REEP5: variants seen among roughly 807,000 people sequenced by gnomAD.
REEP5 encodes the protein receptor expression-enhancing protein 5.
REEP5 carries 24 observed loss-of-function variants against 22.4 expected under a neutral mutation model. The observed-to-expected ratio is 1.07, with a 90% CI of 0.78 to 1.51. The LOEUF is 1.51. Ranked by LOEUF, REEP5 falls within the 40% of genes most tolerant of loss-of-function variation. The pLI, the probability that REEP5 is intolerant of heterozygous loss-of-function variation, is 0.00. For synonymous variants in REEP5, 103 were observed against 88.6 expected (o/e 1.16, Z -0.92); for missense variants, 252 against 233.0 (o/e 1.08, Z -0.53).
At chr5:112,892,756 G>A in intron 3 of REEP5, 1 of 1,613,894 alleles carries the variant, frequency 6.2e-7, no homozygotes, top group South Asian at 1.1e-5. Flanking sequence ...GGAGAAGATG[G>A]GCCACCACGA....
At chr5:112,904,830 A>G (rs1364148875) in intron 2 of REEP5, among the ~76,000 whole-genome samples, 2 of 152,224 alleles carry the variant, frequency 1.3e-5, no homozygotes, top group African/African-American at 4.8e-5. Flanking sequence ...TCTAGGAAAA[A>G]AAAATTCTTT....
At chr5:112,907,077 A>G (rs1255014715) in intron 2 of REEP5, among the ~76,000 whole-genome samples, 1 of 152,216 alleles carries the variant, frequency 6.6e-6, no homozygotes, top group Non-Finnish European at 1.5e-5. Flanking sequence ...ACACTGAAAT[A>G]AAACTGTTCA....
At chr5:112,907,206 A>C (rs1457603007) in intron 2 of REEP5, among the ~76,000 whole-genome samples, 1 of 152,104 alleles carries the variant, frequency 6.6e-6, no homozygotes, top group Non-Finnish European at 1.5e-5. Flanking sequence ...AACAATTCCT[A>C]CCACTCTCTC....
intron 2 of REEP5, among the ~76,000 whole-genome samples, chr5:112,905,477 G>A (rs1354833936): frequency 6.6e-6 from 1 of 151,128 alleles, no homozygotes; most frequent in African/African-American, 2.4e-5. Context: ...GGAGGCGGGG[G>A]TTGCAGTGAG....
rs1561663084 is a variant in REEP5, at chr5:112,922,122, CAGA to C, written c.66_68del (p.Leu23del). 32 of 1,605,936 alleles carry C rather than the reference CAGA, an allele frequency of 2.0e-5. No homozygotes were observed. The highest frequency in any genetic ancestry group is 2.7e-5 in the Non-Finnish European group (32 of 1,176,374). On this transcript the variant is annotated inframe_deletion, in exon 1 of 5. Coordinates refer to ENST00000379638, the MANE Select transcript of REEP5 (RefSeq NM_005669.5). Reference sequence around the variant, plus strand: ...CGCCGGTTTTGGCCTCGAGCTTGGCCAGAAGGTCAGTCATGCAGTTCTTCTCGT... The same window carrying C: ...CGCCGGTTTTGGCCTCGAGCTTGGCCAGGTCAGTCATGCAGTTCTTCTCGT...
chr5:112,900,264 T>C (rs1768812204), intron 3 of REEP5, among the ~76,000 whole-genome samples: 1 of 152,256 alleles, frequency 6.6e-6, no homozygotes, highest in Non-Finnish European at 1.5e-5. Context: ...TGTAAATCTA[T>C]CTTCCTAGTC....
At chr5:112,887,605 T>C (rs1394234989) in intron 3 of REEP5, among the ~76,000 whole-genome samples, 1 of 152,176 alleles carries the variant, frequency 6.6e-6, no homozygotes, top group Non-Finnish European at 1.5e-5. Flanking sequence ...TCTTGGTAAG[T>C]TTATCACATT....
rs958173411 is a variant in REEP5, at chr5:112,878,712, C to T, written c.*74G>A. On this transcript the variant is annotated 3_prime_UTR_variant, in exon 5 of 5. Transcript: ENST00000379638. ...AGGCAACATTATTAAAATAATTATA[C>T]CACAGTCCCTAATATAACATCAAGC... 1 of 1,568,774 alleles carries T rather than the reference C, an allele frequency of 6.4e-7. No individual in the cohort carries two copies. The highest frequency in any genetic ancestry group is 1.7e-4 in the Middle Eastern group (1 of 5,878).
chr5:112,887,098 A>G lies in REEP5; in HGVS notation c.437T>C (p.Leu146Pro), dbSNP rs922866559. Residue 146 changes from leucine to proline, a missense_variant, in exon 4 of 5, where the codon CTG becomes CCG. Transcript: ENST00000379638. ...ACTGTCCATCTGGGACTCGTGCTTC[A>G]GGAAGAAAGGACGGATGATGCGCTT... Reference protein sequence around the residue: ...LYKRIIRPFFLKHESQMDSVV... With the variant: ...LYKRIIRPFFPKHESQMDSVV... 2 of 1,613,730 alleles carry G rather than the reference A, an allele frequency of 1.2e-6. No homozygotes were observed. The highest frequency in any genetic ancestry group is 1.7e-4 in the Middle Eastern group (1 of 5,804).
chr5:112,891,204 C>G (rs762260684), intron 3 of REEP5, among the ~76,000 whole-genome samples: 1 of 152,108 alleles, frequency 6.6e-6, no homozygotes, highest in Non-Finnish European at 1.5e-5. Flanking sequence ...TCCCAAGTAG[C>G]TGGGATTACA....
At chr5:112,917,490 G>C (rs150237584) in intron 2 of REEP5, among the ~76,000 whole-genome samples, 1 of 152,296 alleles carries the variant, frequency 6.6e-6, no homozygotes, top group East Asian at 1.9e-4. Flanking sequence ...CATTTTTATA[G>C]AATTTTAAGC....
intron 4 of REEP5, among the ~76,000 whole-genome samples, chr5:112,879,584 C>G (rs891241041): frequency 3.3e-5 from 5 of 152,140 alleles, no homozygotes; most frequent in African/African-American, 1.2e-4. Flanking sequence ...TGCCATTCTC[C>G]TGCCTCAGCC....
intron 1 of REEP5, 99 bp from the exon 2 acceptor site, chr5:112,921,355 T>G: frequency 8.9e-7 from 1 of 1,126,302 alleles, no homozygotes; most frequent in Non-Finnish European, 1.3e-6. Flanking sequence ...TTGTAGGAGT[T>G]TTCCTCTCGA....
At position 112,877,413 on chromosome 5, in the gene REEP5, AC is replaced by A. The variant is rs1325456803; in HGVS notation, c.*1372del. 1 of 152,088 alleles carries A rather than the reference AC, an allele frequency of 6.6e-6. No individual in the cohort carries two copies. The highest frequency in any genetic ancestry group is 1.5e-5 in the Non-Finnish European group (1 of 68,002). The allele number at this position is 152,088 out of a possible 1,614,324, so 9.4% of individuals were successfully genotyped here. On this transcript the variant is annotated 3_prime_UTR_variant, in exon 5 of 5. Coordinates refer to ENST00000379638, the MANE Select transcript of REEP5 (RefSeq NM_005669.5). ...AGGACTCTTAACAGTATGGTGTAAA[AC>A]TCAGATTTTCTAGTCCAGACAAATT... is the stretch of plus-strand genomic sequence containing the variant.
intron 2 of REEP5, among the ~76,000 whole-genome samples, chr5:112,905,020 G>C (rs1374007352): frequency 6.6e-6 from 1 of 152,108 alleles, no homozygotes; most frequent in African/African-American, 2.4e-5. Flanking sequence ...AGTCTATTAA[G>C]CTAAAGAGAT....
chr5:112,899,631 T>C (rs532562039), intron 3 of REEP5, among the ~76,000 whole-genome samples: 1 of 152,324 alleles, frequency 6.6e-6, no homozygotes, highest in East Asian at 1.9e-4. Context: ...CAACAAAAAA[T>C]GCTGCCATGA....
At chr5:112,911,556 T>C (rs554239669) in intron 2 of REEP5, among the ~76,000 whole-genome samples, 1 of 152,344 alleles carries the variant, frequency 6.6e-6, no homozygotes, top group South Asian at 2.1e-4. Context: ...TGGAAAAACA[T>C]CCACTTTTAC....
intron 4 of REEP5, among the ~76,000 whole-genome samples, chr5:112,882,779 A>T (rs1093611): frequency 0.46 from 70,456 of 152,082 alleles, 18,466 homozygotes; most frequent in African/African-American, 0.74. Context: ...ACAGAAAAAG[A>T]TGAGCAGTCC....
Position 112,902,373 on chromosome 5 carries a change from A to G in REEP5, c.351+7T>C. 1 of 1,605,638 alleles carries G rather than the reference A, an allele frequency of 6.2e-7. No homozygotes were observed. Among genetic ancestry groups the G allele is most frequent in the Admixed American group, 1.7e-5 (1 of 57,952 alleles). On this transcript the variant is annotated splice_region_variant and intron_variant, in intron 3 of 4. Transcript: ENST00000379638. ...ATGGAGTTTTAGTGGTAGCAAGACCAACATACCTTCAGCATGTAGTAGAAG... is the reference window on the plus strand; with the variant it reads ...ATGGAGTTTTAGTGGTAGCAAGACCGACATACCTTCAGCATGTAGTAGAAG...
Sources: allele counts gnomAD v4.1 joint callset (sites outside exome capture counted in the v4.1 genomes callset), GRCh38; gene constraint gnomAD v4.1.1; transcripts MANE v1.5; gene names NCBI Gene and HGNC (gene_info 2026-07-23, HGNC 2026-07-21).